The following ATF7 variants were observed in gnomAD, a reference collection of about 807,000 sequenced individuals.
ATF7 encodes activating transcription factor 7.
ATF7 carries 10 observed loss-of-function variants against 50.4 expected under a neutral mutation model. The ratio of observed to expected loss-of-function variants is 0.20; its 90% CI spans 0.12 to 0.34. ATF7 has a LOEUF of 0.34. Ranked by LOEUF, ATF7 falls within the 10% of genes least tolerant of loss-of-function variation. ATF7 has a pLI of 1.00. For missense variants in ATF7, 465 were observed against 613.9 expected (o/e 0.76, Z 2.56); for synonymous variants, 201 against 226.4 (o/e 0.89, Z 1.01).
intron 2 of ATF7, among the ~76,000 whole-genome samples, chr12:53,567,044 G>A (rs1025568549): frequency 2.0e-5 from 3 of 152,140 alleles, no homozygotes; most frequent in African/African-American, 7.2e-5. Flanking sequence ...GAGCCATTGC[G>A]CCCAGCCTGT....
chr12:53,542,806 A>C, intron 4 of ATF7: 2 of 508,176 alleles, frequency 3.9e-6, no homozygotes, highest in African/African-American at 4.2e-5. Flanking sequence ...GACAGTAGGA[A>C]CATCCTTCTT....
At chr12:53,606,459 G>C (rs528160481) in intron 1 of ATF7, among the ~76,000 whole-genome samples, 5 of 152,158 alleles carry the variant, frequency 3.3e-5, no homozygotes, top group African/African-American at 1.2e-4. Context: ...TGTTGGTCAG[G>C]CTGGTCTCCA....
chr12:53,571,804 C>T (rs766533454), intron 2 of ATF7, among the ~76,000 whole-genome samples: 13 of 152,098 alleles, frequency 8.5e-5, no homozygotes, highest in Non-Finnish European at 7.4e-5. Flanking sequence ...CGGTGGCTCA[C>T]GCCTGTAATC....
At chr12:53,528,168 A>G (rs924684854) in intron 9 of ATF7, among the ~76,000 whole-genome samples, 17 of 152,094 alleles carry the variant, frequency 1.1e-4, no homozygotes, top group African/African-American at 3.9e-4. Flanking sequence ...AATTCAGACT[A>G]ATATTATCTC....
chr12:53,606,128 G>A (rs10783587), intron 1 of ATF7, among the ~76,000 whole-genome samples: 53,961 of 151,658 alleles, frequency 0.36, 10,175 homozygotes, highest in East Asian at 0.8. Context: ...AAAGAAGGGA[G>A]TAGTTTGTCA....
intron 2 of ATF7, chr12:53,574,920 TAA>T (rs1363671719): frequency 7.1e-6 from 2 of 280,488 alleles, no homozygotes; most frequent in African/African-American, 2.4e-5. Flanking sequence ...AGTCAGAAAA[TAA>T]AGTTACTCTT....
intron 4 of ATF7, among the ~76,000 whole-genome samples, chr12:53,542,675 C>T (rs1939648326): frequency 6.6e-6 from 1 of 152,170 alleles, no homozygotes; most frequent in South Asian, 2.1e-4. Flanking sequence ...CCCACCTTGG[C>T]CTCCCAAAGT....
intron 4 of ATF7, 68 bp downstream of exon 4, chr12:53,543,262 C>T: frequency 6.4e-7 from 1 of 1,551,706 alleles, no homozygotes; most frequent in Non-Finnish European, 8.7e-7. Flanking sequence ...GAAAATTATC[C>T]CAAAGCACAA....
chr12:53,598,977 A>C (rs2137812222), intron 2 of ATF7, among the ~76,000 whole-genome samples: 1 of 152,318 alleles, frequency 6.6e-6, no homozygotes, highest in South Asian at 2.1e-4. Flanking sequence ...ATCGGTCATA[A>C]GCATCATAGT....
intron 1 of ATF7, among the ~76,000 whole-genome samples, chr12:53,625,200 T>A (rs143508489): frequency 6.6e-6 from 1 of 152,288 alleles, no homozygotes; most frequent in South Asian, 2.1e-4. Flanking sequence ...GAGCAACATA[T>A]TAAGTCCCTA....
intron 4 of ATF7, among the ~76,000 whole-genome samples, chr12:53,542,113 T>TTTTTTTGTTTG (rs1939597095): frequency 1.4e-5 from 2 of 146,206 alleles, no homozygotes; most frequent in African/African-American, 5.0e-5. Flanking sequence ...GCCTGTTTTT[T>TTTTTTTGTTTG]TTTTTTTTTT....
rs1319214700 is a variant in ATF7 at position 53,537,448 on chromosome 12, G to C, written c.369C>G (p.Ala123=). ...TCAGTGGTGGGGAACAGGGACTAGAGGCAGGGCTATCAGGTGGGGATGAGT... is the reference window on the plus strand; with the variant it reads ...TCAGTGGTGGGGAACAGGGACTAGACGCAGGGCTATCAGGTGGGGATGAGT... The part of the protein sequence containing the change: ...EVDSSPPDSP[A]SSPCSPPLKE... The change falls in exon 5 of 12, where the codon GCC becomes GCG. Residue 123 remains alanine, a synonymous_variant. Coordinates refer to ENST00000420353, the MANE Select transcript of ATF7 (RefSeq NM_006856.3). 3.7e-6 allele frequency: 6 copies of C among 1,613,828 alleles called. No individual in the cohort carries two copies. The South Asian group carries it at 4.4e-5, about 12-fold the overall frequency.
At chr12:53,546,420 G>A (rs1032478905) in intron 3 of ATF7, among the ~76,000 whole-genome samples, 9 of 150,840 alleles carry the variant, frequency 6.0e-5, no homozygotes, top group Non-Finnish European at 1.0e-4. Flanking sequence ...GCTTTTGGCT[G>A]TTGAAAATTA....
At chr12:53,601,142 T>C in intron 1 of ATF7, 121 bp from the exon 2 acceptor site, 1 of 710,406 alleles carries the variant, frequency 1.4e-6, no homozygotes, top group Non-Finnish European at 2.3e-6. Context: ...TCTATCAAAG[T>C]TGTAAACACA....
chr12:53,516,796 C>T lies in ATF7; in HGVS notation c.*341G>A, dbSNP rs1937731705. ...AGAGAGGGAACTGAGAAACCCCAAA[C>T]CTAGAAGTGCCAAGGGTTAGTGTTA... On this transcript the variant is annotated 3_prime_UTR_variant, in exon 12 of 12. Transcript: ENST00000420353. 4.1e-6 allele frequency: 1 copy of T among 243,642 alleles called. No individual in the cohort carries two copies. Among genetic ancestry groups the T allele is most frequent in the Non-Finnish European group, 8.3e-6 (1 of 121,080 alleles). The allele number at this position is 243,642 out of a possible 1,614,324, so 15.1% of individuals were successfully genotyped here.
chr12:53,587,843 A>ATATTTTTT lies in ATF7; in HGVS notation c.48+13109_48+13110insAAAAAATA. On this transcript the variant is annotated intron_variant, in intron 2 of 11. Coordinates refer to ENST00000420353, the MANE Select transcript of ATF7 (RefSeq NM_006856.3). ...TACATATATATATATATATATATAT[A>ATATTTTTT]TTTTTTTTTTTTTTTCTTTTTGACA... is the stretch of plus-strand genomic sequence containing the variant. 4.5e-4 allele frequency among the ~76,000 whole-genome samples: 28 copies of ATATTTTTT among 61,564 alleles called. 1 individual carries two copies. In the South Asian group the frequency reaches 0.011, roughly 25 times the overall value. 40.4% of individuals were successfully genotyped at this position (61,564 alleles called of 152,430 possible). A position where few individuals can be genotyped will look rare whatever the true frequency, so the allele number is the denominator to read the frequency against.
Position 53,531,706 on chromosome 12 carries a change from G to A in ATF7, c.927+38C>T, listed in dbSNP as rs749233320. 49 of 1,573,498 alleles carry A rather than the reference G, an allele frequency of 3.1e-5. No individual in the cohort carries two copies. The Admixed American group carries it at 3.2e-4, about 10-fold the overall frequency. On this transcript the variant is annotated intron_variant, in intron 9 of 11. Transcript: ENST00000420353. ...AACAATAGATATGACATAAAGATAC[G>A]TCATAAAGATATGACATAAAGAGTA...
At chr12:53,520,703 T>TA (rs775953957) in intron 11 of ATF7, among the ~76,000 whole-genome samples, 1 of 152,066 alleles carries the variant, frequency 6.6e-6, no homozygotes, top group Non-Finnish European at 1.5e-5. Flanking sequence ...GAGTTCCTGA[T>TA]ATACCTCCCA....
intron 1 of ATF7, among the ~76,000 whole-genome samples, chr12:53,608,546 C>T (rs1943712511): frequency 6.6e-6 from 1 of 152,098 alleles, no homozygotes; most frequent in Non-Finnish European, 1.5e-5. Context: ...TTATATCAGA[C>T]AATCAGAAAT....
Sources: allele counts gnomAD v4.1 joint callset (sites outside exome capture counted in the v4.1 genomes callset), GRCh38; gene constraint gnomAD v4.1.1; transcripts MANE v1.5; gene names NCBI Gene and HGNC (gene_info 2026-07-23, HGNC 2026-07-21).